The following RNF152 variants were observed in gnomAD, a reference collection of about 807,000 sequenced individuals.
RNF152 encodes E3 ubiquitin-protein ligase RNF152.
Under a neutral mutation model 12.7 loss-of-function variants are expected in RNF152, and 11 were observed. The ratio of observed to expected loss-of-function variants is 0.86; its 90% CI spans 0.54 to 1.43. RNF152 has a LOEUF of 1.43. Among genes scored for constraint, RNF152 ranks in the 40% most tolerant of loss-of-function variants. The pLI, the probability that RNF152 is intolerant of heterozygous loss-of-function variation, is 0.00. For synonymous variants in RNF152, 113 were observed against 120.3 expected (o/e 0.94, Z 0.40); for missense variants, 255 against 274.8 (o/e 0.93, Z 0.51).
intron 1 of RNF152, among the ~76,000 whole-genome samples, chr18:61,864,996 G>A (rs139591556): frequency 0.032 from 4,838 of 152,078 alleles, 261 homozygotes; most frequent in African/African-American, 0.11. Flanking sequence ...CTCCAGCTTG[G>A]GCAACAAGAG....
At chr18:61,830,201 T>A (rs1482674720) in intron 1 of RNF152, among the ~76,000 whole-genome samples, 1 of 151,990 alleles carries the variant, frequency 6.6e-6, no homozygotes, top group Admixed American at 6.6e-5. Flanking sequence ...TTTTTGTATA[T>A]TTAGTAGAGA....
At chr18:61,873,433 G>A (rs1028584709) in intron 1 of RNF152, among the ~76,000 whole-genome samples, 5 of 152,206 alleles carry the variant, frequency 3.3e-5, no homozygotes, top group Non-Finnish European at 7.3e-5. Context: ...TGCCTCCTGG[G>A]TTCAAGCGAT....
intron 1 of RNF152, among the ~76,000 whole-genome samples, chr18:61,880,195 C>G (rs777862867): frequency 5.3e-5 from 8 of 152,144 alleles, no homozygotes; most frequent in Non-Finnish European, 1.2e-4. Flanking sequence ...CCCAACAAAA[C>G]TTGACACCCA....
intron 1 of RNF152, among the ~76,000 whole-genome samples, chr18:61,872,174 G>A (rs1912025740): frequency 6.6e-6 from 1 of 152,074 alleles, no homozygotes. Context: ...AAACAACTAG[G>A]TCTCGTGAGA....
At chr18:61,853,919 C>T (rs1234123996) in intron 1 of RNF152, among the ~76,000 whole-genome samples, 2 of 152,232 alleles carry the variant, frequency 1.3e-5, no homozygotes, top group East Asian at 1.9e-4. Flanking sequence ...AGGCAAACAT[C>T]GCCACCCCTG....
At position 61,884,900 on chromosome 18, in the gene RNF152, G is replaced by A. The variant is rs1379607860; in HGVS notation, c.-136+7895C>T. Among the ~76,000 whole-genome samples the A allele has an allele frequency of 2.6e-5, 4 of 152,296 alleles. No individual in the cohort carries two copies. The East Asian group carries it at 7.7e-4, about 29-fold the overall frequency. ...ATGAATGCAATTGTTTGCCTAATAA[G>A]TGGTTTAAATACCTGATGCTCAGTG... is the stretch of plus-strand genomic sequence containing the variant. On this transcript the variant is annotated intron_variant, in intron 1 of 1. Coordinates refer to ENST00000312828, the MANE Select transcript of RNF152 (RefSeq NM_173557.3).
chr18:61,824,228 C>T (rs1909552704), intron 1 of RNF152, among the ~76,000 whole-genome samples: 1 of 152,200 alleles, frequency 6.6e-6, no homozygotes, highest in African/African-American at 2.4e-5. Flanking sequence ...CTTATTCTGT[C>T]GTTACATAGA....
intron 1 of RNF152, among the ~76,000 whole-genome samples, chr18:61,875,830 T>C (rs920229476): frequency 1.3e-5 from 2 of 152,060 alleles, no homozygotes; most frequent in African/African-American, 4.8e-5. Flanking sequence ...AGGTCTTCAT[T>C]ACATCTCTGG....
At chr18:61,856,784 G>A (rs374731169) in intron 1 of RNF152, among the ~76,000 whole-genome samples, 9 of 152,062 alleles carry the variant, frequency 5.9e-5, no homozygotes, top group South Asian at 4.2e-4. Context: ...TCAGTTCCCC[G>A]AACAGCTAGC....
chr18:61,831,731 G>T (rs1909959866), intron 1 of RNF152, among the ~76,000 whole-genome samples: 1 of 152,056 alleles, frequency 6.6e-6, no homozygotes, highest in Non-Finnish European at 1.5e-5. Context: ...TTCTATGTCA[G>T]ATAGAAAGCA....
intron 1 of RNF152, among the ~76,000 whole-genome samples, chr18:61,862,584 G>A (rs954482147): frequency 6.6e-6 from 1 of 152,246 alleles, no homozygotes; most frequent in African/African-American, 2.4e-5. Context: ...GGAGCTTCCA[G>A]ACAGCTGAAC....
chr18:61,848,428 A>C (rs944436373), intron 1 of RNF152, among the ~76,000 whole-genome samples: 3 of 152,232 alleles, frequency 2.0e-5, no homozygotes, highest in African/African-American at 7.2e-5. Flanking sequence ...AAGAAAAAAA[A>C]ATCAATACCA....
At chr18:61,823,591 G>A (rs528019602) in intron 1 of RNF152, among the ~76,000 whole-genome samples, 19 of 152,356 alleles carry the variant, frequency 1.2e-4, no homozygotes, top group South Asian at 2.1e-4. Context: ...GAGCCACCAC[G>A]CCCAGCCTTT....
intron 1 of RNF152, among the ~76,000 whole-genome samples, chr18:61,849,895 G>A (rs1165386094): frequency 6.6e-6 from 1 of 152,162 alleles, no homozygotes; most frequent in Non-Finnish European, 1.5e-5. Context: ...GGAGCACCTG[G>A]CTTCTGGGTA....
rs776497043 is a variant in RNF152 at position 61,815,804 on chromosome 18, G to C, written c.*48C>G. 6.3e-7 allele frequency: 1 copy of C among 1,586,328 alleles called. No homozygotes were observed. The highest frequency in any genetic ancestry group is 2.2e-5 in the East Asian group (1 of 44,580). On this transcript the variant is annotated 3_prime_UTR_variant, in exon 2 of 2. Coordinates refer to ENST00000312828, the MANE Select transcript of RNF152 (RefSeq NM_173557.3). ...CTCACTGGGATCTCATCATCAACCTGCTCAACCCCTAAGTTGGCACCCACA... is the reference window on the plus strand; with the variant it reads ...CTCACTGGGATCTCATCATCAACCTCCTCAACCCCTAAGTTGGCACCCACA...
rs149892028 is a variant in RNF152 at position 61,849,912 on chromosome 18, A to G, written c.-135-33314T>C. On this transcript the variant is annotated intron_variant, in intron 1 of 1. Coordinates refer to ENST00000312828, the MANE Select transcript of RNF152 (RefSeq NM_173557.3). Reference sequence around the variant, plus strand: ...AGCACCTGGCTTCTGGGTAAGTTCTATCAAGTACTGTGTGACCTGAGGCAA... The same window carrying G: ...AGCACCTGGCTTCTGGGTAAGTTCTGTCAAGTACTGTGTGACCTGAGGCAA... 5.9e-5 allele frequency among the ~76,000 whole-genome samples: 9 copies of G among 152,314 alleles called. No homozygotes were observed. The East Asian group carries it at 1.7e-3, about 29-fold the overall frequency.
At chr18:61,874,682 A>G (rs771577976) in intron 1 of RNF152, among the ~76,000 whole-genome samples, 3 of 152,220 alleles carry the variant, frequency 2.0e-5, no homozygotes, top group Non-Finnish European at 4.4e-5. Context: ...AGCACCGCCA[A>G]GTAGTTTTAA....
intron 1 of RNF152, among the ~76,000 whole-genome samples, chr18:61,838,986 A>G (rs1298536730): frequency 6.6e-6 from 1 of 151,598 alleles, no homozygotes; most frequent in Non-Finnish European, 1.5e-5. Context: ...CTCCAATCCA[A>G]GCTGAACTTG....
chr18:61,815,764 G>T lies in RNF152; in HGVS notation c.*88C>A. ...CAGCGCTCAGCACCAAATGGTCAGT[G>T]TTGCCCCCCATCTTCTCACTGGGAT... On this transcript the variant is annotated 3_prime_UTR_variant, in exon 2 of 2. Transcript: ENST00000312828. 6.8e-7 allele frequency: 1 copy of T among 1,463,862 alleles called. No homozygotes were observed. The highest frequency in any genetic ancestry group is 9.4e-7 in the Non-Finnish European group (1 of 1,062,416). 90.7% of individuals were successfully genotyped at this position (1,463,862 alleles called of 1,614,324 possible).
Sources: gnomAD v4.1 joint callset for allele counts (sites outside exome capture counted in the v4.1 genomes callset) on GRCh38, gnomAD v4.1.1 for gene constraint, MANE v1.5 for transcripts, NCBI Gene and HGNC (gene_info 2026-07-23, HGNC 2026-07-21) for gene names.